TMEM9: variants seen among roughly 807,000 people sequenced by gnomAD.
TMEM9 encodes proton-transporting V-type ATPase complex assembly regulator TMEM9.
TMEM9 carries 13 observed loss-of-function variants against 22.8 expected under a neutral mutation model. The observed-to-expected ratio is 0.57, with a 90% CI of 0.37 to 0.91. The LOEUF (loss-of-function observed/expected upper bound fraction) is 0.91, where lower values mean the gene tolerates loss of function less well. Ranked by LOEUF, TMEM9 falls within the 40% of genes least tolerant of loss-of-function variation. The pLI, the probability that TMEM9 is intolerant of heterozygous loss-of-function variation, is 0.01. For synonymous variants in TMEM9, 88 were observed against 93.0 expected, an observed-to-expected ratio of 0.95 and a Z score of 0.31; for missense variants, 182 against 238.1, an observed-to-expected ratio of 0.76 and a Z score of 1.55.
intron 4 of TMEM9, among the ~76,000 whole-genome samples, chr1:201,139,120 C>T (rs1391191324): frequency 6.6e-6 from 1 of 152,176 alleles, no homozygotes; most frequent in Non-Finnish European, 1.5e-5. Flanking sequence ...TTCAGTCTGC[C>T]CAGAAGCACT....
At chr1:201,143,743 A>C in intron 4 of TMEM9, 77 bp downstream of exon 4, 2 of 1,500,996 alleles carry the variant, frequency 1.3e-6, no homozygotes, top group Non-Finnish European at 1.8e-6. Flanking sequence ...ACCTGGACCT[A>C]GGTGACGCTC....
At position 201,165,091 on chromosome 1, in the gene TMEM9, T is replaced by C. The variant is rs565236442; in HGVS notation, c.-37+6399A>G. Among the ~76,000 whole-genome samples, 10 of 150,548 alleles carry C rather than the reference T, an allele frequency of 6.6e-5. 1 individual carries two copies. The South Asian group carries it at 2.1e-3, about 31-fold the overall frequency. ...GGTAACTTGTTTTTTATTTTACTTT[T>C]CCAGTAAAATTTTTCTTTAATGAGG... On this transcript the variant is annotated intron_variant, in intron 1 of 5. Transcript: ENST00000367333.
exon 1 of TMEM9, chr1:201,171,541 T>C (rs975305466): frequency 3.3e-5 from 5 of 152,216 alleles, no homozygotes; most frequent in African/African-American, 1.2e-4. Context: ...TTTCAGCTCC[T>C]GCTCTCGGGT....
chr1:201,136,165 C>T (rs1156810682), intron 4 of TMEM9, among the ~76,000 whole-genome samples: 4 of 152,204 alleles, frequency 2.6e-5, no homozygotes, highest in Admixed American at 6.5e-5. Flanking sequence ...GAACCCACCC[C>T]TCACCATGCC....
At chr1:201,164,148 T>C (rs1047429614) in intron 1 of TMEM9, among the ~76,000 whole-genome samples, 1 of 152,248 alleles carries the variant, frequency 6.6e-6, no homozygotes, top group African/African-American at 2.4e-5. Context: ...AAAGTTTGCA[T>C]ACTGTATGAT....
upstream of TMEM9, among the ~76,000 whole-genome samples, chr1:201,159,484 TACAC>T (rs60273477): frequency 0.065 from 9,594 of 147,422 alleles, 645 homozygotes; most frequent in African/African-American, 0.17. Flanking sequence ...TGCCTTTTTA[TACAC>T]ACACACACAC....
At chr1:201,153,225 T>C (rs1665567361) in intron 1 of TMEM9, among the ~76,000 whole-genome samples, 1 of 152,240 alleles carries the variant, frequency 6.6e-6, no homozygotes, top group South Asian at 2.1e-4. Flanking sequence ...CGTTAAGAAC[T>C]TATGTGTAAC....
At chr1:201,154,913 C>T (rs1665735915), upstream of TMEM9, among the ~76,000 whole-genome samples, 1 of 152,190 alleles carries the variant, frequency 6.6e-6, no homozygotes, top group Non-Finnish European at 1.5e-5. Context: ...TACCCCTACA[C>T]ACACCTCTGA....
At chr1:201,144,024 C>G in intron 3 of TMEM9, 73 bp from the exon 4 acceptor site, 1 of 1,555,044 alleles carries the variant, frequency 6.4e-7, no homozygotes. Flanking sequence ...TAGTCTTGGG[C>G]CATCTGTGTC....
At chr1:201,135,836 G>A in intron 4 of TMEM9, 21 bp from the exon 5 acceptor site, 1 of 1,574,684 alleles carries the variant, frequency 6.4e-7, no homozygotes, top group Non-Finnish European at 8.6e-7. Context: ...AAGAAAAAAA[G>A]AGAAGATCTG....
At position 201,135,788 on chromosome 1, in the gene TMEM9, C is replaced by T; in HGVS notation, c.427G>A (p.Ala143Thr). 1.2e-6 allele frequency: 2 copies of T among 1,610,486 alleles called. No individual in the cohort carries two copies. The highest frequency in any genetic ancestry group is 1.7e-6 in the Non-Finnish European group (2 of 1,178,506). ...TTTGCTCGGGGTCCCCCGAGGGATG[C>T]AGCAGCTGCTGCCATAGAGCGAGCA... ...EDARSMAAAA[A>T]SLGGPRANTV... Residue 143 changes from alanine (A) to threonine (T), a missense_variant, in exon 5 of 5, where the codon GCA becomes ACA. Transcript: ENST00000367330.
At chr1:201,161,826 G>C (rs1015802865) in intron 1 of TMEM9, among the ~76,000 whole-genome samples, 2 of 152,164 alleles carry the variant, frequency 1.3e-5, no homozygotes, top group Non-Finnish European at 2.9e-5. Flanking sequence ...AACAGATCAG[G>C]TTCTATCATT....
intron 2 of TMEM9, among the ~76,000 whole-genome samples, chr1:201,151,077 C>CCTG (rs1435637090): frequency 6.6e-6 from 1 of 152,182 alleles, no homozygotes; most frequent in East Asian, 1.9e-4. Context: ...CACACCAGTA[C>CCTG]CTGCTCCCAC....
At chr1:201,151,036 C>T (rs1266258005) in intron 2 of TMEM9, among the ~76,000 whole-genome samples, 2 of 152,190 alleles carry the variant, frequency 1.3e-5, no homozygotes, top group Admixed American at 6.5e-5. Context: ...CCCAACTCTA[C>T]ACCAAGAAAC....
chr1:201,135,462 G>C lies in TMEM9; in HGVS notation c.*201C>G. ...ACCCCAAAGACCCAAGAAGACAACA[G>C]AGATCAGAGACCACATCCCTCTTCC... On this transcript the variant is annotated 3_prime_UTR_variant, in exon 5 of 5. Transcript: ENST00000367330. 4.0e-6 allele frequency: 2 copies of C among 501,838 alleles called. No homozygotes were observed. Among genetic ancestry groups the C allele is most frequent in the East Asian group, 3.6e-5 (1 of 27,922 alleles). The allele number at this position is 501,838 out of a possible 1,614,324, so 31.1% of individuals were successfully genotyped here. A position where few individuals can be genotyped will look rare whatever the true frequency, so the allele number is the denominator to read the frequency against.
chr1:201,152,385 G>C (rs1389496268), intron 1 of TMEM9, among the ~76,000 whole-genome samples: 1 of 152,202 alleles, frequency 6.6e-6, no homozygotes, highest in Non-Finnish European at 1.5e-5. Context: ...TCTGGAATGA[G>C]TAAGAGATAT....
intron 1 of TMEM9, among the ~76,000 whole-genome samples, chr1:201,163,329 C>G (rs976792570): frequency 4.6e-5 from 7 of 152,104 alleles, no homozygotes; most frequent in African/African-American, 1.7e-4. Context: ...GTGGCTCACA[C>G]CTATAATCCC....
At chr1:201,146,273 C>A (rs1664954978) in intron 3 of TMEM9, among the ~76,000 whole-genome samples, 1 of 152,204 alleles carries the variant, frequency 6.6e-6, no homozygotes, top group South Asian at 2.1e-4. Flanking sequence ...GTTCTCCCAG[C>A]ACCCAACACC....
At chr1:201,138,904 G>A (rs923634584) in intron 4 of TMEM9, among the ~76,000 whole-genome samples, 6 of 152,180 alleles carry the variant, frequency 3.9e-5, no homozygotes, top group African/African-American at 1.2e-4. Flanking sequence ...TCTCCTAAGA[G>A]GGAGCCAGCA....
Sources: allele counts gnomAD v4.1 joint callset (sites outside exome capture counted in the v4.1 genomes callset), GRCh38; gene constraint gnomAD v4.1.1; transcripts MANE v1.5; gene names NCBI Gene and HGNC (gene_info 2026-07-23, HGNC 2026-07-21).